The following NPHP3 variants were observed in gnomAD, a reference collection of about 807,000 sequenced individuals.
NPHP3 encodes the protein nephrocystin 3, also known as nephrocystin-3.
In NPHP3, 123 loss-of-function variants were observed where a neutral mutation model predicts 171.9. The observed-to-expected ratio is 0.72, with a 90% confidence interval of 0.62 to 0.83. NPHP3 has a LOEUF of 0.83. Among genes scored for constraint, NPHP3 ranks in the 40% least tolerant of loss-of-function variants. The probability of loss-of-function intolerance (pLI) is 0.00; values close to 1 mark genes in which losing one functional copy is unlikely to be tolerated. For synonymous variants in NPHP3, 558 were observed against 579.2 expected, an observed-to-expected ratio of 0.96 and a Z score of 0.52; for missense variants, 1,506 against 1,591.9, an observed-to-expected ratio of 0.95 and a Z score of 0.92.
intron 24 of NPHP3, 119 bp from the exon 25 acceptor site, chr3:132,683,643 A>G: frequency 1.4e-6 from 1 of 735,478 alleles, no homozygotes; most frequent in South Asian, 1.8e-5. Context: ...AAAATCTCAG[A>G]AGCATTTCCT....
In NPHP3 at chr3:132,704,375, AACACAAAGAACAACC is replaced by A. The variant is rs1560010239; in HGVS notation, c.1351-19_1351-5del. Reference sequence around the variant, plus strand: ...TGTTCTCAAAACCCAGTATGTCCTAAACACAAAGAACAACCACACAAAAATGAATGAAGAAAATAA... The same window carrying A: ...TGTTCTCAAAACCCAGTATGTCCTAAACACAAAAATGAATGAAGAAAATAA... On this transcript the variant is annotated splice_region_variant and splice_polypyrimidine_tract_variant and intron_variant, in intron 8 of 26. Transcript: ENST00000337331. The A allele has an allele frequency of 6.2e-7, 1 of 1,614,114 alleles. No individual in the cohort carries two copies. Among genetic ancestry groups the A allele is most frequent in the South Asian group, 1.1e-5 (1 of 91,080 alleles).
Position 132,704,300 on chromosome 3 carries a change from T to A in NPHP3, c.1422A>T (p.Glu474Asp), listed in dbSNP as rs2107985912. 1.2e-6 allele frequency: 2 copies of A among 1,614,188 alleles called. No individual in the cohort carries two copies. Among genetic ancestry groups the A allele is most frequent in the Admixed American group, 1.7e-5 (1 of 60,020 alleles). The part of the protein sequence containing the change: ...DLGSEDSIPE[E>D]DDFGDVLWDI... ...CCCACAGAACATCACCAAAATCATC[T>A]TCTTCTGGAATGGAATCCTCACTGC... Residue 474 changes from glutamate (E) to aspartate (D), a missense_variant, in exon 9 of 27, where the codon GAA becomes GAT. Glu to Asp is a conservative substitution (Grantham distance 45). Around this residue, in one of 3 missense-constraint regions of NPHP3, gnomAD observed 930 missense variants for 924.9 expected, o/e 1.01. Coordinates refer to ENST00000337331, the MANE Select transcript of NPHP3 (RefSeq NM_153240.5).
rs1203856291 is a variant in NPHP3, at chr3:132,688,837, C to A, written c.2938G>T (p.Asp980Tyr). 9 of 1,613,890 alleles carry A rather than the reference C, an allele frequency of 5.6e-6. No homozygotes were observed. The highest frequency in any genetic ancestry group is 2.2e-5 in the East Asian group (1 of 44,892). Residue 980 changes from aspartate to tyrosine, a missense_variant, in exon 21 of 27, where the codon GAT becomes TAT. Around this residue, in one of 3 missense-constraint regions of NPHP3, gnomAD observed 569 missense variants for 648.1 expected, o/e 0.88. Transcript: ENST00000337331. ...LEIRETALDP[D>Y]HPRVAQSLHQ... ...AGGGACTGGGCTACTCTTGGGTGATCGGGATCTAAAGCTGTTTCTCGAATC... is the reference window on the plus strand; with the variant it reads ...AGGGACTGGGCTACTCTTGGGTGATAGGGATCTAAAGCTGTTTCTCGAATC...
chr3:132,687,328 A>G, intron 21 of NPHP3, 102 bp from the exon 22 acceptor site: 2 of 619,656 alleles, frequency 3.2e-6, no homozygotes, highest in Non-Finnish European at 5.8e-6. Flanking sequence ...TTTTTGGGCT[A>G]TTAAATACAG....
In NPHP3 at chr3:132,688,739, C is replaced by A; in HGVS notation, c.3036G>T (p.Leu1012Phe). 1 of 1,614,116 alleles carries A rather than the reference C, an allele frequency of 6.2e-7. No individual in the cohort carries two copies. Among genetic ancestry groups the A allele is most frequent in the African/African-American group, 1.3e-5 (1 of 75,028 alleles). Residue 1012 changes from leucine (L) to phenylalanine (F), a missense_variant, in exon 21 of 27, where the codon TTG becomes TTT. By Grantham distance (22) the Leu-to-Phe change is conservative. This residue lies in a region of NPHP3 where 569 missense variants were observed against 648.1 expected (regional missense o/e 0.88). Coordinates refer to ENST00000337331, the MANE Select transcript of NPHP3 (RefSeq NM_153240.5). ...CACCATAAGCATTTTCTGAGATTTCCAACGCCTGTTTATACAGTTGTTCTG... is the reference window on the plus strand; with the variant it reads ...CACCATAAGCATTTTCTGAGATTTCAAACGCCTGTTTATACAGTTGTTCTG... ...GNAEQLYKQA[L>F]EISENAYGAD...
chr3:132,704,666 T>C (rs1473725654), intron 8 of NPHP3, among the ~76,000 whole-genome samples: 3 of 152,248 alleles, frequency 2.0e-5, no homozygotes, highest in Non-Finnish European at 4.4e-5. Flanking sequence ...CACAACATTT[T>C]GGTTGTATCT....
intron 7 of NPHP3, among the ~76,000 whole-genome samples, chr3:132,706,649 A>G (rs1172844209): frequency 6.6e-6 from 1 of 152,204 alleles, no homozygotes; most frequent in Non-Finnish European, 1.5e-5. Context: ...TGATTTTACA[A>G]TACATACCAA....
At chr3:132,699,290 T>C in intron 13 of NPHP3, 63 bp downstream of exon 13, 1 of 1,165,578 alleles carries the variant, frequency 8.6e-7, no homozygotes. Context: ...ATATTAAAAA[T>C]CTTTCCTTGT....
Position 132,722,185 on chromosome 3 carries a change from G to A in NPHP3, c.171C>T (p.Pro57=), listed in dbSNP as rs778581370. The change falls in exon 1 of 27, where the codon CCC becomes CCT. Residue 57 remains proline, a synonymous_variant. Transcript: ENST00000337331. ...RGAGAAAGAG[P]GSLPRGVGAG... is the part of the protein sequence containing the mutation. ...CGCCCACCCCGCGGGGCAGCGACCC[G>A]GGCCCGGCCCCTGCTGCCGCCCCCG... 77 of 1,511,494 alleles carry A rather than the reference G, an allele frequency of 5.1e-5. No homozygotes were observed. Among genetic ancestry groups the A allele is most frequent in the Non-Finnish European group, 6.1e-5 (70 of 1,139,470 alleles). 93.6% of individuals were successfully genotyped at this position (1,511,494 alleles called of 1,614,324 possible).
chr3:132,691,363 G>T (rs902657815), intron 17 of NPHP3, 77 bp from the exon 18 acceptor site: 10 of 978,470 alleles, frequency 1.0e-5, no homozygotes, highest in African/African-American at 6.4e-5. Flanking sequence ...TTGCAAAAAA[G>T]AATTTATAAT....
chr3:132,704,383 GAAC>G lies in NPHP3; in HGVS notation c.1351-15_1351-13del. 3.1e-6 allele frequency: 5 copies of G among 1,613,922 alleles called. No homozygotes were observed. Among genetic ancestry groups the G allele is most frequent in the Non-Finnish European group, 3.4e-6 (4 of 1,179,932 alleles). The stretch of plus-strand genomic sequence containing the variant: ...AAACCCAGTATGTCCTAAACACAAA[GAAC>G]AACCACACAAAAATGAATGAAGAAA... On this transcript the variant is annotated splice_polypyrimidine_tract_variant and intron_variant, in intron 8 of 26. Transcript: ENST00000337331.
intron 26 of NPHP3, 25 bp from the exon 27 acceptor site, chr3:132,682,115 T>C: frequency 1.2e-6 from 2 of 1,600,064 alleles, no homozygotes. Flanking sequence ...ACAAAAACTC[T>C]TAAAATGAGA....
At chr3:132,703,408 G>A (rs867540826) in intron 9 of NPHP3, among the ~76,000 whole-genome samples, 1 of 151,918 alleles carries the variant, frequency 6.6e-6, no homozygotes, top group African/African-American at 2.4e-5. Flanking sequence ...TATATTTCAA[G>A]TTCTGATAAT....
intron 2 of NPHP3, among the ~76,000 whole-genome samples, chr3:132,719,366 T>C (rs1480764234): frequency 6.6e-6 from 1 of 152,228 alleles, no homozygotes; most frequent in African/African-American, 2.4e-5. Flanking sequence ...GTCTGTCATG[T>C]GCACTGCATG....
chr3:132,716,769 T>C lies in NPHP3; in HGVS notation c.811A>G (p.Asn271Asp). ...CAGCATGTATTACCTCTATTAACAT[T>C]TGCAAAGGGTCCTTCCACATCTATA... is the stretch of plus-strand genomic sequence containing the variant. ...SSIDVEGPFA[N>D]VNRDDWDIAV... The change falls in exon 4 of 27, where the codon AAT (asparagine) becomes GAT (aspartate). Residue 271 changes from asparagine (N) to aspartate (D), a missense_variant. Physicochemically the swap from Asn to Asp is conservative, Grantham distance 23. Transcript: ENST00000337331. 6.2e-7 allele frequency: 1 copy of C among 1,614,090 alleles called. No homozygotes were observed. Among genetic ancestry groups the C allele is most frequent in the Non-Finnish European group, 8.5e-7 (1 of 1,180,010 alleles).
rs1553774906 is a variant in NPHP3 at position 132,714,568 on chromosome 3, A to AAT, written c.957+516_957+517insAT. Among the ~76,000 whole-genome samples the AAT allele has an allele frequency of 9.1e-4, 96 of 105,062 alleles. 1 individual carries two copies. Among genetic ancestry groups the AAT allele is most frequent in the African/African-American group, 2.8e-3 (92 of 32,792 alleles). The allele number at this position is 105,062 out of a possible 152,430, so 68.9% of individuals were successfully genotyped here. A position where few individuals can be genotyped will look rare whatever the true frequency, so the allele number is the denominator to read the frequency against. ...CACTTTCTCTGCAAAAAAAAAAAAT[A>AAT]AATAAATTAAATTAGCCGTATGTGG... On this transcript the variant is annotated intron_variant, in intron 5 of 26. Coordinates refer to ENST00000337331, the MANE Select transcript of NPHP3 (RefSeq NM_153240.5).
At chr3:132,699,140 G>A (rs368716752) in intron 13 of NPHP3, among the ~76,000 whole-genome samples, 2 of 152,112 alleles carry the variant, frequency 1.3e-5, no homozygotes, top group South Asian at 2.1e-4. Flanking sequence ...TGATCCACCC[G>A]CCTTGGCATC....
At chr3:132,711,348 A>G (rs1939904202) in intron 6 of NPHP3, among the ~76,000 whole-genome samples, 1 of 152,218 alleles carries the variant, frequency 6.6e-6, no homozygotes, top group Non-Finnish European at 1.5e-5. Flanking sequence ...ATTAAATTTA[A>G]GAAATTAAAA....
At chr3:132,713,352 T>A in intron 5 of NPHP3, 66 bp from the exon 6 acceptor site, 1 of 1,093,644 alleles carries the variant, frequency 9.1e-7, no homozygotes, top group Non-Finnish European at 1.3e-6. Context: ...AGATTCATAC[T>A]ACTTAAAATA....
Sources: allele counts gnomAD v4.1 joint callset (sites outside exome capture counted in the v4.1 genomes callset), GRCh38; gene constraint gnomAD v4.1.1; regional missense constraint gnomAD v4.1.1; transcripts MANE v1.5; gene names NCBI Gene and HGNC (gene_info 2026-07-23, HGNC 2026-07-21).